The following ZFPM2 variants were observed in gnomAD, a reference collection of about 807,000 sequenced individuals.
ZFPM2 encodes zinc finger protein ZFPM2.
A neutral mutation model predicts 98.6 loss-of-function variants in ZFPM2; 20 were observed. The ratio of observed to expected loss-of-function variants is 0.20; its 90% CI spans 0.14 to 0.29. ZFPM2 has a LOEUF of 0.29. Among genes scored for constraint, ZFPM2 ranks in the 10% least tolerant of loss-of-function variants. The pLI, the probability that ZFPM2 is intolerant of heterozygous loss-of-function variation, is 1.00. For synonymous variants in ZFPM2, 518 were observed against 502.7 expected (o/e 1.03, Z -0.41); for missense variants, 1,310 against 1,388.6 (o/e 0.94, Z 0.90).
chr8:105,463,310 T>C (rs941193529), intron 3 of ZFPM2, among the ~76,000 whole-genome samples: 1 of 151,800 alleles, frequency 6.6e-6, no homozygotes, highest in Non-Finnish European at 1.5e-5. Context: ...TATATACACA[T>C]ATATACATAT....
In ZFPM2 at chr8:105,419,224, C is replaced by G. The variant is rs199535268; in HGVS notation, c.121C>G (p.Pro41Ala). The stretch of plus-strand genomic sequence containing the variant: ...AGACATCATCTCCAAAGGAGACTTT[C>G]CATTGGAGGAAAGCTTTTCCACAGA... ...ETDIISKGDF[P>A]LEESFSTEFG... The change falls in exon 2 of 8, where the codon CCA (proline) becomes GCA (alanine). Residue 41 changes from proline (P) to alanine (A), a missense_variant. By Grantham distance (27) the Pro-to-Ala change is conservative. Transcript: ENST00000407775. 2.7e-4 allele frequency: 432 copies of G among 1,613,512 alleles called. No homozygotes were observed. Among genetic ancestry groups the G allele is most frequent in the Non-Finnish European group, 3.6e-4 (420 of 1,179,696 alleles).
At chr8:105,536,975 A>G (rs1429363554) in intron 3 of ZFPM2, among the ~76,000 whole-genome samples, 3 of 152,186 alleles carry the variant, frequency 2.0e-5, no homozygotes. Flanking sequence ...CATCACTGCC[A>G]TAAATTCCTA....
chr8:105,322,662 G>A (rs1034297532), intron 1 of ZFPM2, among the ~76,000 whole-genome samples: 4 of 152,080 alleles, frequency 2.6e-5, no homozygotes, highest in African/African-American at 9.7e-5. Flanking sequence ...TAGATCAGGT[G>A]CCAAATAATT....
At chr8:105,547,405 G>T (rs1814731819) in intron 3 of ZFPM2, among the ~76,000 whole-genome samples, 1 of 151,768 alleles carries the variant, frequency 6.6e-6, no homozygotes, top group African/African-American at 2.4e-5. Context: ...AGCCGAGCGT[G>T]GTGGTGGGCA....
At chr8:105,453,916 A>C (rs1195170553) in intron 3 of ZFPM2, among the ~76,000 whole-genome samples, 3 of 152,100 alleles carry the variant, frequency 2.0e-5, no homozygotes, top group African/African-American at 7.2e-5. Context: ...AGCGAGTTTC[A>C]GAAATCATGT....
intron 4 of ZFPM2, among the ~76,000 whole-genome samples, chr8:105,593,466 G>GA (rs1441292176): frequency 1.3e-5 from 2 of 151,948 alleles, no homozygotes; most frequent in Admixed American, 1.3e-4. Flanking sequence ...AGTTATAAAT[G>GA]AAAAATATGG....
chr8:105,542,161 A>C (rs2130628200), intron 3 of ZFPM2, among the ~76,000 whole-genome samples: 1 of 152,180 alleles, frequency 6.6e-6, no homozygotes, highest in African/African-American at 2.4e-5. Flanking sequence ...TAATTTATTG[A>C]TTGATAGTGA....
chr8:105,328,800 A>G (rs1812161386), intron 1 of ZFPM2, among the ~76,000 whole-genome samples: 1 of 151,768 alleles, frequency 6.6e-6, no homozygotes. Context: ...TTCTGCTTAC[A>G]TTGACATAAA....
intron 3 of ZFPM2, among the ~76,000 whole-genome samples, chr8:105,510,450 G>A (rs1586426156): frequency 6.7e-6 from 1 of 149,442 alleles, no homozygotes. Context: ...CTTCAATTTG[G>A]AATCTTCTCT....
At chr8:105,415,440 A>C (rs528108520) in intron 1 of ZFPM2, among the ~76,000 whole-genome samples, 1 of 152,086 alleles carries the variant, frequency 6.6e-6, no homozygotes, top group South Asian at 2.1e-4. Context: ...AGTGGCCTCA[A>C]TCAGAAGTAA....
chr8:105,324,502 C>T (rs1445225404), intron 1 of ZFPM2, among the ~76,000 whole-genome samples: 13 of 151,722 alleles, frequency 8.6e-5, no homozygotes, highest in Admixed American at 7.2e-4. Context: ...GTCTAATTAG[C>T]CATTTCACTA....
At position 105,362,643 on chromosome 8, in the gene ZFPM2, A is replaced by G. The variant is rs551094828; in HGVS notation, c.40+43662A>G. Among the ~76,000 whole-genome samples, 4 of 152,326 alleles carry G rather than the reference A, an allele frequency of 2.6e-5. No individual in the cohort carries two copies. In the East Asian group the frequency reaches 5.8e-4, roughly 22 times the overall value. ...AAGGTGAAGAAGGCATACTTATGTT[A>G]ATAAAACACAGTTCCTTTTCTCAAA... On this transcript the variant is annotated intron_variant, in intron 1 of 7. Coordinates refer to ENST00000407775, the MANE Select transcript of ZFPM2 (RefSeq NM_012082.4).
At chr8:105,465,002 TCACTC>T (rs1277022909) in intron 3 of ZFPM2, among the ~76,000 whole-genome samples, 1 of 151,882 alleles carries the variant, frequency 6.6e-6, no homozygotes, top group Non-Finnish European at 1.5e-5. Flanking sequence ...GAAAAGATAT[TCACTC>T]AGCCTGTATC....
intron 5 of ZFPM2, among the ~76,000 whole-genome samples, chr8:105,651,948 A>G (rs569275927): frequency 6.6e-6 from 1 of 152,330 alleles, no homozygotes; most frequent in South Asian, 2.1e-4. Flanking sequence ...GAGAATCTAG[A>G]TGAAGAGGAT....
chr8:105,704,342 G>T (rs538408105), intron 5 of ZFPM2, among the ~76,000 whole-genome samples: 18 of 152,296 alleles, frequency 1.2e-4, no homozygotes, highest in African/African-American at 4.1e-4. Flanking sequence ...ATTGGATGCA[G>T]CTTAAAGACT....
At chr8:105,643,775 C>G (rs1410027239) in intron 5 of ZFPM2, among the ~76,000 whole-genome samples, 2 of 152,128 alleles carry the variant, frequency 1.3e-5, no homozygotes, top group Admixed American at 1.3e-4. Context: ...TTAACATCCT[C>G]TGTTAAATAA....
At chr8:105,779,526 A>G (rs1813194401) in intron 5 of ZFPM2, among the ~76,000 whole-genome samples, 1 of 152,238 alleles carries the variant, frequency 6.6e-6, no homozygotes, top group Non-Finnish European at 1.5e-5. Flanking sequence ...GATAGCATGG[A>G]TGAAGTTAAA....
intron 4 of ZFPM2, among the ~76,000 whole-genome samples, chr8:105,617,605 G>A (rs563861805): frequency 2.0e-5 from 3 of 152,264 alleles, no homozygotes; most frequent in Non-Finnish European, 4.4e-5. Context: ...TCACCACAAA[G>A]TATAATGTGA....
intron 5 of ZFPM2, among the ~76,000 whole-genome samples, chr8:105,747,392 C>A (rs1812372932): frequency 6.6e-6 from 1 of 152,038 alleles, no homozygotes; most frequent in Non-Finnish European, 1.5e-5. Flanking sequence ...ATAAAGACAG[C>A]ATTTTCCTTC....
Sources: allele counts gnomAD v4.1 joint callset (sites outside exome capture counted in the v4.1 genomes callset), GRCh38; gene constraint gnomAD v4.1.1; transcripts MANE v1.5; gene names NCBI Gene and HGNC (gene_info 2026-07-23, HGNC 2026-07-21).